Variants in HGSNAT observed in about 807,000 individuals in gnomAD.
HGSNAT encodes transmembrane protein 76.
Under a neutral mutation model 85.2 loss-of-function variants are expected in HGSNAT, and 59 were observed. That is an observed-to-expected ratio of 0.69 (90% CI 0.56 to 0.86). HGSNAT has a LOEUF of 0.86. Ranked by LOEUF, HGSNAT falls within the 40% of genes least tolerant of loss-of-function variation. The probability of loss-of-function intolerance (pLI) is 0.00; values close to 1 mark genes in which losing one functional copy is unlikely to be tolerated. For missense variants in HGSNAT, 756 were observed against 777.1 expected, an observed-to-expected ratio of 0.97 and a Z score of 0.32; for synonymous variants, 321 against 304.5, an observed-to-expected ratio of 1.05 and a Z score of -0.56.
rs886062958 is a variant in HGSNAT at position 43,200,633 on chromosome 8, A to G, written c.*1064A>G. 37 of 152,466 alleles carry G rather than the reference A, an allele frequency of 2.4e-4. No homozygotes were observed. The highest frequency in any genetic ancestry group is 1.0e-4 in the Non-Finnish European group (7 of 68,032). 9.4% of individuals were successfully genotyped at this position (152,466 alleles called of 1,614,324 possible). A position where few individuals can be genotyped will look rare whatever the true frequency, so the allele number is the denominator to read the frequency against. On this transcript the variant is annotated 3_prime_UTR_variant, in exon 18 of 18. Transcript: ENST00000379644. ...TACTTGTCATCACACAGCTGAAGAC[A>G]TTGTTTCTTAGGTGTGAAATCGGGG...
At chr8:43,144,286 C>G (rs1802645102) in intron 1 of HGSNAT, among the ~76,000 whole-genome samples, 1 of 149,272 alleles carries the variant, frequency 6.7e-6, no homozygotes, top group Non-Finnish European at 1.5e-5. Context: ...GATCTTGCCA[C>G]TGCACTCCAG....
At chr8:43,143,490 C>G (rs1802614849) in intron 1 of HGSNAT, among the ~76,000 whole-genome samples, 1 of 151,948 alleles carries the variant, frequency 6.6e-6, no homozygotes, top group South Asian at 2.1e-4. Flanking sequence ...CCTCTTCAGG[C>G]CTCAGATGCC....
intron 5 of HGSNAT, among the ~76,000 whole-genome samples, chr8:43,162,185 G>A (rs1803287713): frequency 6.6e-6 from 1 of 152,140 alleles, no homozygotes; most frequent in Non-Finnish European, 1.5e-5. Flanking sequence ...TCTTGTTAGG[G>A]TCTCAAGAAG....
chr8:43,192,377 A>G lies in HGSNAT; in HGVS notation c.1324A>G (p.Ile442Val), dbSNP rs761789386. ...PNCTGGAAGYIDRLLLGDDHL... is the reference protein window; with the variant it reads ...PNCTGGAAGYVDRLLLGDDHL... ...TTGCACTGGAGGAGCTGCAGGCTACATCGACCGCCTGCTGCTGGGAGACGA... is the reference window on the plus strand; with the variant it reads ...TTGCACTGGAGGAGCTGCAGGCTACGTCGACCGCCTGCTGCTGGGAGACGA... The change falls in exon 13 of 18, where the codon ATC (isoleucine) becomes GTC (valine). Residue 442 changes from isoleucine to valine, a missense_variant. Physicochemically the swap from Ile to Val is conservative, Grantham distance 29. Transcript: ENST00000379644. 12 of 1,613,168 alleles carry G rather than the reference A, an allele frequency of 7.4e-6. No individual in the cohort carries two copies. The highest frequency in any genetic ancestry group is 1.3e-5 in the African/African-American group (1 of 75,022).
In HGSNAT at chr8:43,202,739, G is replaced by A. The variant is rs918456998; in HGVS notation, c.*3170G>A. The A allele has an allele frequency of 6.6e-6, 1 of 152,146 alleles. No homozygotes were observed. The highest frequency in any genetic ancestry group is 1.5e-5 in the Non-Finnish European group (1 of 68,024). 9.4% of individuals were successfully genotyped at this position (152,146 alleles called of 1,614,324 possible). A position where few individuals can be genotyped will look rare whatever the true frequency, so the allele number is the denominator to read the frequency against. On this transcript the variant is annotated 3_prime_UTR_variant, in exon 18 of 18. Transcript: ENST00000379644. ...CATAATAACCCAGTTTGTATCAAAG[G>A]GTATCGACTTAAGTGAAATTTCAAC...
intron 9 of HGSNAT, 61 bp downstream of exon 9, chr8:43,173,804 A>T: frequency 1.3e-6 from 2 of 1,541,552 alleles, no homozygotes; most frequent in Non-Finnish European, 1.8e-6. Flanking sequence ...TGTTTTTCAG[A>T]TGATGCTGGA....
At chr8:43,169,054 A>G (rs1005650855) in intron 5 of HGSNAT, 119 bp from the exon 6 acceptor site, 1 of 492,772 alleles carries the variant, frequency 2.0e-6, no homozygotes, top group East Asian at 3.2e-5. Context: ...AATGTTTAGA[A>G]TGTTTAATTA....
In HGSNAT at chr8:43,178,175, G is replaced by A. The variant is rs192561467; in HGVS notation, c.953G>A (p.Ser318Asn). Residue 318 changes from serine (S) to asparagine (N), a missense_variant, in exon 10 of 18, where the codon AGT (serine) becomes AAT (asparagine). Coordinates refer to ENST00000379644, the MANE Select transcript of HGSNAT (RefSeq NM_152419.3). ...FRLLGKIAWR[S>N]FLLICIGIII... Reference sequence around the variant, plus strand: ...TTGCTGGGGAAGATTGCATGGAGGAGTTTCCTGTTAATCTGCATAGGAATT... The same window carrying A: ...TTGCTGGGGAAGATTGCATGGAGGAATTTCCTGTTAATCTGCATAGGAATT... 6.9e-6 allele frequency: 11 copies of A among 1,598,274 alleles called. No individual in the cohort carries two copies. The highest frequency in any genetic ancestry group is 2.7e-5 in the African/African-American group (2 of 74,154).
intron 11 of HGSNAT, among the ~76,000 whole-genome samples, chr8:43,190,380 T>G (rs1379566397): frequency 6.6e-6 from 1 of 152,246 alleles, no homozygotes; most frequent in African/African-American, 2.4e-5. Flanking sequence ...TCTCACTTTC[T>G]CTGGGTGCTT....
At chr8:43,150,867 A>AAATAAATAAATG (rs1374983522) in intron 2 of HGSNAT, among the ~76,000 whole-genome samples, 19 of 144,672 alleles carry the variant, frequency 1.3e-4, no homozygotes, top group African/African-American at 4.8e-4. Flanking sequence ...ATAAATAAAT[A>AAATAAATAAATG]AAATAAAATT....
Position 43,158,580 on chromosome 8 carries a change from G to A in HGSNAT, c.240G>A (p.Leu80=), listed in dbSNP as rs774674978. Residue 80 remains leucine (L), a synonymous_variant, in exon 3 of 18, where the codon TTG becomes TTA. Coordinates refer to ENST00000379644, the MANE Select transcript of HGSNAT (RefSeq NM_152419.3). The part of the protein sequence containing the change: ...YWKSECCYHC[L]FQVLVNVPQS... ...TGTTGTGCTTTTATTTACAGTGCTT[G>A]TTTCAGGTTCTGGTAAACGTTCCTC... The A allele has an allele frequency of 3.7e-6, 6 of 1,613,874 alleles. No homozygotes were observed. The African/African-American group carries it at 4.0e-5, about 11-fold the overall frequency.
intron 2 of HGSNAT, among the ~76,000 whole-genome samples, chr8:43,156,022 T>C (rs1487708455): frequency 6.6e-6 from 1 of 152,100 alleles, no homozygotes; most frequent in Non-Finnish European, 1.5e-5. Context: ...GTATTTTTAG[T>C]AGATATGGGG....
chr8:43,143,974 A>G (rs1802634680), intron 1 of HGSNAT, among the ~76,000 whole-genome samples: 1 of 152,066 alleles, frequency 6.6e-6, no homozygotes, highest in South Asian at 2.1e-4. Context: ...ATTGGAGAGA[A>G]ATTTTGTAAT....
At chr8:43,196,626 C>T in intron 14 of HGSNAT, 4 of 915,590 alleles carry the variant, frequency 4.4e-6, no homozygotes, top group South Asian at 2.8e-5. Context: ...ATGCTTCCCC[C>T]GAGCTCTGTG....
rs58733009 is a variant in HGSNAT, at chr8:43,146,783, AT to A, written c.119-164del. 0.021 allele frequency among the ~76,000 whole-genome samples: 3,122 copies of A among 152,220 alleles called. 117 individuals are homozygous for A. The highest frequency in any genetic ancestry group is 0.071 in the African/African-American group (2,951 of 41,506). ...CACATGCATGCATGCACGCACATAT[AT>A]CTGCGCATACACAAAGTAATGTGTG... On this transcript the variant is annotated intron_variant, in intron 1 of 17. Transcript: ENST00000379644.
chr8:43,141,534 G>A (rs1230377850), intron 1 of HGSNAT, among the ~76,000 whole-genome samples: 2 of 152,156 alleles, frequency 1.3e-5, no homozygotes, highest in Non-Finnish European at 2.9e-5. Flanking sequence ...GCCCCTCCCA[G>A]AGGGGTCGGG....
intron 5 of HGSNAT, 30 bp from the exon 6 acceptor site, chr8:43,169,142 TA>T (rs779371714): frequency 2.7e-5 from 37 of 1,386,908 alleles, no homozygotes; most frequent in Non-Finnish European, 2.2e-5. Context: ...CCAATGAAAA[TA>T]AATTAATTGA....
chr8:43,201,549 C>G lies in HGSNAT; in HGVS notation c.*1980C>G, dbSNP rs1440639522. On this transcript the variant is annotated 3_prime_UTR_variant, in exon 18 of 18. Transcript: ENST00000379644. The surrounding 1 kb of genome is among the most constrained non-coding windows in gnomAD (Gnocchi z 4.4). ...TACATTTGATCTGTCATGTTTAAAC[C>G]CCCTACTTCTAAGGGAACTTCTCTA... The G allele has an allele frequency of 6.6e-6, 1 of 152,188 alleles. No homozygotes were observed. Among genetic ancestry groups the G allele is most frequent in the East Asian group, 1.9e-4 (1 of 5,200 alleles). 9.4% of individuals were successfully genotyped at this position (152,188 alleles called of 1,614,324 possible).
rs192058820 is a variant in HGSNAT, at chr8:43,174,744, C to T, written c.851+1001C>T. On this transcript the variant is annotated intron_variant, in intron 9 of 17. Coordinates refer to ENST00000379644, the MANE Select transcript of HGSNAT (RefSeq NM_152419.3). Reference sequence around the variant, plus strand: ...TAAATGGGGTACCCACCCCCTCAGGCATTTACCATTTTGTGTTATAAACAA... The same window carrying T: ...TAAATGGGGTACCCACCCCCTCAGGTATTTACCATTTTGTGTTATAAACAA... 4.5e-4 allele frequency among the ~76,000 whole-genome samples: 68 copies of T among 152,236 alleles called. 2 individuals are homozygous for T. Among genetic ancestry groups the T allele is most frequent in the East Asian group, 3.5e-3 (18 of 5,190 alleles).
Sources: allele counts gnomAD v4.1 joint callset (sites outside exome capture counted in the v4.1 genomes callset), GRCh38; gene constraint gnomAD v4.1.1; non-coding constraint Gnocchi (gnomAD v3.1); transcripts MANE v1.5; gene names NCBI Gene and HGNC (gene_info 2026-07-23, HGNC 2026-07-21).